WWOX: variants seen among roughly 807,000 people sequenced by gnomAD.
WWOX encodes WW domain-containing oxidoreductase.
A neutral mutation model predicts 46.2 loss-of-function variants in WWOX; 69 were observed. That is an observed-to-expected ratio of 1.49 (90% CI 1.23 to 1.82). WWOX has a LOEUF of 1.82. Among genes scored for constraint, WWOX ranks in the 40% most tolerant of loss-of-function variants. WWOX has a pLI of 0.00. For synonymous variants in WWOX, 359 were observed against 202.6 expected, an observed-to-expected ratio of 1.77 and a Z score of -6.56; for missense variants, 919 against 542.6, an observed-to-expected ratio of 1.69 and a Z score of -6.89.
intron 5 of WWOX, among the ~76,000 whole-genome samples, chr16:78,380,967 C>T (rs896641479): frequency 6.6e-6 from 1 of 152,040 alleles, no homozygotes; most frequent in Non-Finnish European, 1.5e-5. Context: ...ATCTAATCTT[C>T]ACTCTAACCA....
At chr16:78,884,982 A>G (rs117368029) in intron 8 of WWOX, among the ~76,000 whole-genome samples, 1,780 of 152,268 alleles carry the variant, frequency 0.012, 27 homozygotes, top group Middle Eastern at 0.024. Context: ...GACCCCACCA[A>G]GCCATCTAGC....
rs768370577 is a variant in WWOX at position 78,619,133 on chromosome 16, TAA to T, written c.1056+186390_1056+186391del. The stretch of plus-strand genomic sequence containing the variant: ...CAACGTGGCAAAACCCCATTTCTAC[TAA>T]AAAAAAAATATATATATATATATAT... On this transcript the variant is annotated intron_variant, in intron 8 of 8. Coordinates refer to ENST00000566780, the MANE Select transcript of WWOX (RefSeq NM_016373.4). Among the ~76,000 whole-genome samples the T allele has an allele frequency of 8.5e-3, 35 of 4,098 alleles. 5 individuals are homozygous for T. The highest frequency in any genetic ancestry group is 0.012 in the African/African-American group (20 of 1,602). 2.7% of individuals were successfully genotyped at this position (4,098 alleles called of 152,430 possible). A position where few individuals can be genotyped will look rare whatever the true frequency, so the allele number is the denominator to read the frequency against.
Position 78,148,886 on chromosome 16 carries a change from A to C in WWOX, c.410-15297A>C, listed in dbSNP as rs576507682. Among the ~76,000 whole-genome samples the C allele has an allele frequency of 4.3e-3, 567 of 131,550 alleles. 5 individuals are homozygous for C. The highest frequency in any genetic ancestry group is 0.016 in the African/African-American group (537 of 33,968). 86.3% of individuals were successfully genotyped at this position (131,550 alleles called of 152,430 possible). A position where few individuals can be genotyped will look rare whatever the true frequency, so the allele number is the denominator to read the frequency against. The stretch of plus-strand genomic sequence containing the variant: ...GCACTCCAGCCTGGGCGACAGAGCA[A>C]GACTCCGTCTCAAAAAAAAAAAAAA... On this transcript the variant is annotated intron_variant, in intron 4 of 8. Transcript: ENST00000566780.
chr16:78,810,693 A>G (rs1280244524), intron 8 of WWOX, among the ~76,000 whole-genome samples: 3 of 152,204 alleles, frequency 2.0e-5, no homozygotes, highest in Admixed American at 6.5e-5. Context: ...GAAGCGGGCC[A>G]TAGTATCAAG....
chr16:79,161,614 C>A (rs1274845595), intron 8 of WWOX, among the ~76,000 whole-genome samples: 1 of 152,112 alleles, frequency 6.6e-6, no homozygotes, highest in East Asian at 1.9e-4. Context: ...CTGCTGTCTC[C>A]CGGATTCAAG....
chr16:78,399,607 TC>T (rs1276891564), intron 6 of WWOX, among the ~76,000 whole-genome samples: 2 of 152,128 alleles, frequency 1.3e-5, no homozygotes, highest in Non-Finnish European at 2.9e-5. Context: ...ATGCAGCAAA[TC>T]CCCGGCGTCA....
chr16:78,241,692 G>A (rs35420323), intron 5 of WWOX, among the ~76,000 whole-genome samples: 14,422 of 152,136 alleles, frequency 0.095, 863 homozygotes, highest in Non-Finnish European at 0.14. Context: ...TGCCCACCTC[G>A]GCTTCCCAAA....
At chr16:78,332,017 G>T (rs1240055211) in intron 5 of WWOX, among the ~76,000 whole-genome samples, 1 of 152,126 alleles carries the variant, frequency 6.6e-6, no homozygotes, top group Non-Finnish European at 1.5e-5. Context: ...GTCAAGTTTG[G>T]AACGCCATTT....
chr16:78,454,465 T>C (rs2083767794), intron 8 of WWOX, among the ~76,000 whole-genome samples: 2 of 151,558 alleles, frequency 1.3e-5, no homozygotes, highest in African/African-American at 4.9e-5. Context: ...GCTGTTTTTT[T>C]TCCCCTAGGT....
chr16:78,256,205 A>G (rs1039948025), intron 5 of WWOX, among the ~76,000 whole-genome samples: 4 of 150,354 alleles, frequency 2.7e-5, no homozygotes, highest in African/African-American at 4.9e-5. Flanking sequence ...CATTTACTCC[A>G]TGAAGTGAGC....
chr16:78,198,981 C>G (rs764318032), intron 5 of WWOX, among the ~76,000 whole-genome samples: 7 of 152,102 alleles, frequency 4.6e-5, no homozygotes, highest in Non-Finnish European at 1.0e-4. Context: ...TCACCCGTAA[C>G]TTCTGCTACT....
intron 1 of WWOX, among the ~76,000 whole-genome samples, chr16:78,102,046 G>C (rs2031831000): frequency 6.6e-6 from 1 of 152,104 alleles, no homozygotes; most frequent in Non-Finnish European, 1.5e-5. Context: ...TCAGCCTGTT[G>C]AGTACCCGGG....
In WWOX at chr16:79,001,443, G is replaced by C. The variant is rs188560798; in HGVS notation, c.1057-210165G>C. Among the ~76,000 whole-genome samples the C allele has an allele frequency of 5.3e-5, 8 of 152,268 alleles. No individual in the cohort carries two copies. In the East Asian group the frequency reaches 1.5e-3, roughly 29 times the overall value. On this transcript the variant is annotated intron_variant, in intron 8 of 8. Transcript: ENST00000566780. ...GAGTGTTCTGTGAAGCCAGATATTG[G>C]TGCCAAGCTAAATTTGTGCGTGCAG... is the stretch of plus-strand genomic sequence containing the variant.
At chr16:78,933,729 A>C (rs570791125) in intron 8 of WWOX, among the ~76,000 whole-genome samples, 3 of 152,170 alleles carry the variant, frequency 2.0e-5, no homozygotes, top group Non-Finnish European at 4.4e-5. Context: ...TTTTAAAACT[A>C]TCTGATCTCG....
chr16:79,183,423 C>T (rs2050951491), intron 8 of WWOX, among the ~76,000 whole-genome samples: 1 of 152,154 alleles, frequency 6.6e-6, no homozygotes, highest in Non-Finnish European at 1.5e-5. Flanking sequence ...TTCAGAACTG[C>T]CCTGTGAGCA....
At chr16:78,353,761 C>G (rs1216463408) in intron 5 of WWOX, among the ~76,000 whole-genome samples, 1 of 143,296 alleles carries the variant, frequency 7.0e-6, no homozygotes, top group Non-Finnish European at 1.6e-5. Flanking sequence ...TGCCTTTGCT[C>G]AGAGCCACAT....
At chr16:78,582,725 G>C (rs1244937613) in intron 8 of WWOX, among the ~76,000 whole-genome samples, 1 of 152,176 alleles carries the variant, frequency 6.6e-6, no homozygotes, top group African/African-American at 2.4e-5. Flanking sequence ...GCATAGGGTT[G>C]TTAGAAAAGT....
At chr16:78,227,550 C>G (rs1174388060) in intron 5 of WWOX, among the ~76,000 whole-genome samples, 1 of 152,164 alleles carries the variant, frequency 6.6e-6, no homozygotes. Flanking sequence ...AGTATCCACC[C>G]TTTGAAGGAC....
intron 8 of WWOX, among the ~76,000 whole-genome samples, chr16:78,935,212 T>C (rs1313330336): frequency 6.6e-6 from 1 of 152,198 alleles, no homozygotes; most frequent in Non-Finnish European, 1.5e-5. Flanking sequence ...CTCAAGGATC[T>C]AGAACTAGAA....
Sources: allele counts gnomAD v4.1 joint callset (sites outside exome capture counted in the v4.1 genomes callset), GRCh38; gene constraint gnomAD v4.1.1; transcripts MANE v1.5; gene names NCBI Gene and HGNC (gene_info 2026-07-23, HGNC 2026-07-21).